Variants in KANK4 observed in about 807,000 individuals in gnomAD.
The protein encoded by KANK4 is KN motif and ankyrin repeat domain-containing protein 4.
Under a neutral mutation model 80.8 loss-of-function variants are expected in KANK4, and 50 were observed. The observed-to-expected ratio is 0.62, with a 90% CI of 0.49 to 0.78. The LOEUF is 0.78. KANK4 is among the 30% of genes least tolerant of loss of function. The pLI, the probability that KANK4 is intolerant of heterozygous loss-of-function variation, is 0.00. For synonymous variants in KANK4, 465 were observed against 506.9 expected, an observed-to-expected ratio of 0.92 and a Z score of 1.11; for missense variants, 1,196 against 1,240.1, an observed-to-expected ratio of 0.96 and a Z score of 0.53.
At chr1:62,239,870 T>C (rs192970894) in intron 9 of KANK4, among the ~76,000 whole-genome samples, 191 of 152,364 alleles carry the variant, frequency 1.3e-3, no homozygotes, top group African/African-American at 4.5e-3. Flanking sequence ...CTGCATAGTA[T>C]TCCATGGTGT....
At chr1:62,255,660 A>G (rs1053224507) in intron 7 of KANK4, among the ~76,000 whole-genome samples, 3 of 149,770 alleles carry the variant, frequency 2.0e-5, no homozygotes, top group Admixed American at 1.3e-4. Context: ...TTATTTATTT[A>G]TTTATTTATT....
At chr1:62,280,105 A>C (rs990265821) in intron 2 of KANK4, among the ~76,000 whole-genome samples, 1 of 152,220 alleles carries the variant, frequency 6.6e-6, no homozygotes, top group African/African-American at 2.4e-5. Flanking sequence ...GAAATTCAAA[A>C]GCCTATATTC....
chr1:62,290,621 T>C (rs1384594153), intron 1 of KANK4, among the ~76,000 whole-genome samples: 1 of 152,242 alleles, frequency 6.6e-6, no homozygotes, highest in East Asian at 1.9e-4. Flanking sequence ...GCAAGGATCA[T>C]ATTTGTTTTC....
intron 1 of KANK4, among the ~76,000 whole-genome samples, chr1:62,317,194 C>T (rs935044422): frequency 6.6e-6 from 1 of 152,146 alleles, no homozygotes; most frequent in Non-Finnish European, 1.5e-5. Context: ...CCATGTATGC[C>T]ACCCTAAGGA....
intron 8 of KANK4, among the ~76,000 whole-genome samples, chr1:62,250,067 T>G (rs922960049): frequency 2.6e-5 from 4 of 151,316 alleles, no homozygotes; most frequent in African/African-American, 9.7e-5. Context: ...CTCACTGCAA[T>G]CTCCGCCTCC....
chr1:62,246,465 C>T (rs1167185395), intron 9 of KANK4, among the ~76,000 whole-genome samples: 1 of 152,166 alleles, frequency 6.6e-6, no homozygotes, highest in Non-Finnish European at 1.5e-5. Context: ...GCTGTTATTG[C>T]CATGACCAGA....
In KANK4 at chr1:62,263,301, A is replaced by C; in HGVS notation, c.2330T>G (p.Leu777Trp). ...GAACCACTCTTGACTGATGGTGTTC[A>C]AGCTTTGCCTCTGAAACCCCAAAAA... is the stretch of plus-strand genomic sequence containing the variant. ...TTTDQLLRQS[L>W]NTISQEWFRV... The change falls in exon 7 of 10, where the codon TTG becomes TGG. Residue 777 changes from leucine to tryptophan, a missense_variant. This residue lies in a region of KANK4 where 1,154 missense variants were observed against 1,179.6 expected (regional missense o/e 0.98). Coordinates refer to ENST00000371153, the MANE Select transcript of KANK4 (RefSeq NM_181712.5). The C allele has an allele frequency of 6.2e-7, 1 of 1,613,140 alleles. No individual in the cohort carries two copies. The highest frequency in any genetic ancestry group is 8.5e-7 in the Non-Finnish European group (1 of 1,179,708).
At chr1:62,313,522 G>A (rs1471800763) in intron 1 of KANK4, among the ~76,000 whole-genome samples, 1 of 152,180 alleles carries the variant, frequency 6.6e-6, no homozygotes. Flanking sequence ...CTATTATGGA[G>A]GGGCAGGTGG....
At chr1:62,282,120 G>A (rs542217884) in intron 1 of KANK4, among the ~76,000 whole-genome samples, 57 of 152,204 alleles carry the variant, frequency 3.7e-4, no homozygotes, top group African/African-American at 1.2e-3. Context: ...TCAAACAGAA[G>A]ACAGAGATGA....
chr1:62,259,582 T>G (rs1000095722), intron 7 of KANK4, among the ~76,000 whole-genome samples: 1 of 152,124 alleles, frequency 6.6e-6, no homozygotes, highest in Non-Finnish European at 1.5e-5. Flanking sequence ...TGGACCAGTA[T>G]TGACTTTAAA....
Position 62,268,327 on chromosome 1 carries a change from T to C in KANK4, c.2191A>G (p.Ser731Gly). Residue 731 changes from serine to glycine, a missense_variant, in exon 5 of 10, where the codon AGT becomes GGT. Transcript: ENST00000371153. The stretch of plus-strand genomic sequence containing the variant: ...TGGGGGACTTCTTCCCCAGGCCCAC[T>C]TTCCTGGGCAGCATGGCAGGTGCCC... ...PEGTCHAAQE[S>G]GPGEEVPHSK... 2 of 1,613,806 alleles carry C rather than the reference T, an allele frequency of 1.2e-6. No individual in the cohort carries two copies. Among genetic ancestry groups the C allele is most frequent in the Non-Finnish European group, 1.7e-6 (2 of 1,179,916 alleles).
chr1:62,261,532 C>T (rs138408727), intron 7 of KANK4, among the ~76,000 whole-genome samples: 3 of 152,198 alleles, frequency 2.0e-5, no homozygotes, highest in African/African-American at 7.2e-5. Flanking sequence ...CTCTGTGGAC[C>T]TCTGCAATGG....
chr1:62,254,517 C>G (rs1671703728), intron 7 of KANK4, among the ~76,000 whole-genome samples: 1 of 151,300 alleles, frequency 6.6e-6, no homozygotes, highest in South Asian at 2.1e-4. Context: ...GCTGGGATTA[C>G]AGGTGTGAGC....
chr1:62,236,824 G>A lies in KANK4; in HGVS notation c.*1453C>T, dbSNP rs1036656906. On this transcript the variant is annotated 3_prime_UTR_variant, in exon 10 of 10. Transcript: ENST00000371153. ...TATGTCAGGCTGGTCTCAAACTCCC[G>A]ACCTCAGGTGATCCACCTGCCTCGG... 1.3e-5 allele frequency among the ~76,000 whole-genome samples: 2 copies of A among 151,974 alleles called. No individual in the cohort carries two copies. The highest frequency in any genetic ancestry group is 2.4e-5 in the African/African-American group (1 of 41,362).
intron 8 of KANK4, among the ~76,000 whole-genome samples, chr1:62,251,436 A>G (rs1281486486): frequency 6.6e-6 from 1 of 152,152 alleles, no homozygotes; most frequent in East Asian, 1.9e-4. Context: ...TGATCACTCC[A>G]GGGGAAAGGA....
rs748166914 is a variant in KANK4, at chr1:62,274,876, AG to A, written c.227del (p.Pro76LeufsTer50). The A allele has an allele frequency of 1.5e-5, 24 of 1,614,048 alleles. No homozygotes were observed. Among genetic ancestry groups the A allele is most frequent in the Non-Finnish European group, 1.9e-5 (23 of 1,179,996 alleles). On this transcript the variant is annotated frameshift_variant, in exon 3 of 10. Transcript: ENST00000371153. LOFTEE classifies it high-confidence loss of function. Reference sequence around the variant, plus strand: ...CTGCAGGGGGGCGAGCCCCACTGTCAGGAAGGCTGAAGTTTCGGGGCAGAGT... The same window carrying A: ...CTGCAGGGGGGCGAGCCCCACTGTCAGAAGGCTGAAGTTTCGGGGCAGAGT... The part of the protein sequence containing the change: ...FSTLPRNFSL[P>X]DSGARPPAAP...
chr1:62,248,622 T>C (rs968977286), intron 8 of KANK4, among the ~76,000 whole-genome samples: 4 of 151,320 alleles, frequency 2.6e-5, no homozygotes, highest in Non-Finnish European at 5.9e-5. Context: ...CTCAGTTCAC[T>C]GCAACCTCCG....
chr1:62,271,816 G>C (rs1201506321), intron 3 of KANK4: 3 of 466,250 alleles, frequency 6.4e-6, no homozygotes, highest in Non-Finnish European at 1.2e-5. Context: ...CTCTAAGTGT[G>C]GATGAAGAAC....
chr1:62,238,426 C>A, intron 9 of KANK4, 45 bp from the exon 10 acceptor site: 1 of 1,562,208 alleles, frequency 6.4e-7, no homozygotes, highest in African/African-American at 1.4e-5. Context: ...ATCCAATCTG[C>A]CTCCTGCCTG....
Sources: allele counts gnomAD v4.1 joint callset (sites outside exome capture counted in the v4.1 genomes callset), GRCh38; gene constraint gnomAD v4.1.1; regional missense constraint gnomAD v4.1.1; transcripts MANE v1.5; gene names NCBI Gene and HGNC (gene_info 2026-07-23, HGNC 2026-07-21).